Variants in TMEM154 observed in about 807,000 individuals in gnomAD.
The protein encoded by TMEM154 is transmembrane protein 154.
A neutral mutation model predicts 24.5 loss-of-function variants in TMEM154; 27 were observed. The ratio of observed to expected loss-of-function variants is 1.10; its 90% CI spans 0.81 to 1.52. The LOEUF (loss-of-function observed/expected upper bound fraction) is 1.52, where lower values mean the gene tolerates loss of function less well. TMEM154 is among the 40% of genes most tolerant of loss of function. TMEM154 has a pLI of 0.00. For synonymous variants in TMEM154, 67 were observed against 76.8 expected, an observed-to-expected ratio of 0.87 and a Z score of 0.67; for missense variants, 228 against 213.4, an observed-to-expected ratio of 1.07 and a Z score of -0.43.
chr4:152,651,397 A>T (rs1336019942), intron 3 of TMEM154, among the ~76,000 whole-genome samples: 1 of 152,202 alleles, frequency 6.6e-6, no homozygotes, highest in African/African-American at 2.4e-5. Context: ...TTCATCAACG[A>T]TTTGAACTAG....
At position 152,679,869 on chromosome 4, in the gene TMEM154, C is replaced by A; in HGVS notation, c.64+1G>T. 1 of 1,607,438 alleles carries A rather than the reference C, an allele frequency of 6.2e-7. No individual in the cohort carries two copies. The highest frequency in any genetic ancestry group is 8.5e-7 in the Non-Finnish European group (1 of 1,177,672). On this transcript the variant is annotated splice_donor_variant, in intron 1 of 6. Coordinates refer to ENST00000304385, the MANE Select transcript of TMEM154 (RefSeq NM_152680.3). LOFTEE classifies it high-confidence loss of function. ...AGGAGTAGGAAGTGGAGGCGGCTTA[C>A]CCCGGCCGACGGGAACGAGCGCGAT...
chr4:152,659,811 T>G (rs1385203368), intron 1 of TMEM154, among the ~76,000 whole-genome samples: 1 of 152,200 alleles, frequency 6.6e-6, no homozygotes, highest in African/African-American at 2.4e-5. Context: ...TACACTGTGT[T>G]TTTTCTAAAC....
In TMEM154 at chr4:152,622,329, A is replaced by T. The variant is rs1751856071; in HGVS notation, c.*6217T>A. ...TTGTTTCGTTTATTTAAAGAATTATATGGATCAAAAGAGGGCAATTAAGAA... is the reference window on the plus strand; with the variant it reads ...TTGTTTCGTTTATTTAAAGAATTATTTGGATCAAAAGAGGGCAATTAAGAA... On this transcript the variant is annotated 3_prime_UTR_variant, in exon 7 of 7. Coordinates refer to ENST00000304385, the MANE Select transcript of TMEM154 (RefSeq NM_152680.3). 2 of 152,232 alleles carry T rather than the reference A, an allele frequency of 1.3e-5. No homozygotes were observed. The highest frequency in any genetic ancestry group is 1.3e-4 in the Admixed American group (2 of 15,292). The allele number at this position is 152,232 out of a possible 1,614,324, so 9.4% of individuals were successfully genotyped here.
At chr4:152,661,284 TTCTC>T (rs70949609) in intron 1 of TMEM154, among the ~76,000 whole-genome samples, 1,719 of 63,264 alleles carry the variant, frequency 0.027, 25 homozygotes, top group East Asian at 0.06. Flanking sequence ...ATTGTTCTCT[TTCTC>T]TCTCTCTCTC....
chr4:152,628,941 G>A (rs556324826), intron 6 of TMEM154, among the ~76,000 whole-genome samples: 17 of 151,894 alleles, frequency 1.1e-4, no homozygotes, highest in African/African-American at 1.9e-4. Flanking sequence ...CACTGCACCC[G>A]GCCAACAGTA....
chr4:152,663,849 C>G (rs887670603), intron 1 of TMEM154, among the ~76,000 whole-genome samples: 3 of 152,242 alleles, frequency 2.0e-5, no homozygotes, highest in Non-Finnish European at 4.4e-5. Flanking sequence ...AATATTCACG[C>G]AGACACATCT....
chr4:152,664,727 C>G (rs1258769209), intron 1 of TMEM154, among the ~76,000 whole-genome samples: 1 of 152,148 alleles, frequency 6.6e-6, no homozygotes, highest in Non-Finnish European at 1.5e-5. Flanking sequence ...CAGTCAGATG[C>G]CCCATTCTTT....
intron 3 of TMEM154, chr4:152,647,260 T>G: frequency 1.0e-6 from 1 of 985,242 alleles, no homozygotes; most frequent in East Asian, 1.1e-4. Context: ...TGCTCTCCTA[T>G]AAAGCATTTC....
rs888212259 is a variant in TMEM154 at position 152,633,230 on chromosome 4, T to C, written c.537-4669A>G. ...TATGGTGCCCACTGCCACAGCTCTGTGGACCGTGAGCAACGGACAAAGCTC... is the reference window on the plus strand; with the variant it reads ...TATGGTGCCCACTGCCACAGCTCTGCGGACCGTGAGCAACGGACAAAGCTC... On this transcript the variant is annotated intron_variant, in intron 6 of 6. Transcript: ENST00000304385. 5.3e-5 allele frequency among the ~76,000 whole-genome samples: 8 copies of C among 152,290 alleles called. No homozygotes were observed. In the South Asian group the frequency reaches 1.4e-3, roughly 28 times the overall value.
chr4:152,678,832 TG>T (rs1729004507), intron 1 of TMEM154, among the ~76,000 whole-genome samples: 1 of 152,208 alleles, frequency 6.6e-6, no homozygotes, highest in Non-Finnish European at 1.5e-5. Context: ...CTCAGATGCC[TG>T]GGGGACCACA....
At chr4:152,679,749 C>G in intron 1 of TMEM154, 121 bp downstream of exon 1, 2 of 1,429,618 alleles carry the variant, frequency 1.4e-6, no homozygotes, top group Non-Finnish European at 1.9e-6. Flanking sequence ...TTCTCCACTT[C>G]TTTCACAGAA....
At chr4:152,668,418 T>C (rs1013731279) in intron 1 of TMEM154, 13 of 152,110 alleles carry the variant, frequency 8.5e-5, no homozygotes, top group African/African-American at 2.7e-4. Context: ...AAAATTATAA[T>C]TGAAAAGAGT....
intron 1 of TMEM154, among the ~76,000 whole-genome samples, chr4:152,664,375 G>C (rs572678958): frequency 4.7e-5 from 6 of 126,518 alleles, no homozygotes; most frequent in South Asian, 4.7e-4. Context: ...GGCCTGTCGT[G>C]GCGGGGGGGT....
At chr4:152,670,586 C>T (rs898997409) in intron 1 of TMEM154, among the ~76,000 whole-genome samples, 1 of 151,864 alleles carries the variant, frequency 6.6e-6, no homozygotes, top group Non-Finnish European at 1.5e-5. Context: ...CAGAGTAAGA[C>T]TCCATCTCAA....
intron 3 of TMEM154, chr4:152,647,038 C>T (rs1303135182): frequency 1.0e-5 from 8 of 767,400 alleles, no homozygotes; most frequent in African/African-American, 1.7e-5. Flanking sequence ...ATCATGTTTC[C>T]CTTTCCCTGA....
chr4:152,623,142 A>G lies in TMEM154; in HGVS notation c.*5404T>C, dbSNP rs1751867366. 6.6e-6 allele frequency: 1 copy of G among 152,186 alleles called. No individual in the cohort carries two copies. Among genetic ancestry groups the G allele is most frequent in the South Asian group, 2.1e-4 (1 of 4,832 alleles). The allele number at this position is 152,186 out of a possible 1,614,324, so 9.4% of individuals were successfully genotyped here. On this transcript the variant is annotated 3_prime_UTR_variant, in exon 7 of 7. Coordinates refer to ENST00000304385, the MANE Select transcript of TMEM154 (RefSeq NM_152680.3). ...CTGTGCCTGGCTGGGACCACTTCTA[A>G]TATGAGGCTTACAAGGTAGAATTTA...
At chr4:152,635,530 G>A (rs1752131167) in intron 6 of TMEM154, among the ~76,000 whole-genome samples, 1 of 152,106 alleles carries the variant, frequency 6.6e-6, no homozygotes, top group African/African-American at 2.4e-5. Flanking sequence ...CTCAATAAAT[G>A]TCTTTTGAAA....
chr4:152,666,027 C>T (rs535945680), intron 1 of TMEM154, among the ~76,000 whole-genome samples: 3 of 152,082 alleles, frequency 2.0e-5, no homozygotes, highest in Admixed American at 2.0e-4. Context: ...TGGGCTCAAG[C>T]GATCCTGCTT....
intron 4 of TMEM154, 125 bp downstream of exon 4, chr4:152,644,290 A>T: frequency 1.9e-6 from 2 of 1,075,318 alleles, no homozygotes; most frequent in Non-Finnish European, 1.4e-6. Context: ...AGGATCTCCA[A>T]CCCCGCCTGG....
Sources: gnomAD v4.1 joint callset for allele counts (sites outside exome capture counted in the v4.1 genomes callset) on GRCh38, gnomAD v4.1.1 for gene constraint, MANE v1.5 for transcripts, NCBI Gene and HGNC (gene_info 2026-07-23, HGNC 2026-07-21) for gene names.